Variants in GSK3B observed in about 807,000 individuals in gnomAD.
GSK3B encodes glycogen synthase kinase 3 beta, also known as glycogen synthase kinase-3 beta.
A neutral mutation model predicts 56.4 loss-of-function variants in GSK3B; 15 were observed. The ratio of observed to expected loss-of-function variants is 0.27; its 90% CI spans 0.18 to 0.41. The LOEUF (loss-of-function observed/expected upper bound fraction) is 0.41, where lower values mean the gene tolerates loss of function less well. GSK3B is among the 10% of genes least tolerant of loss of function. GSK3B has a pLI of 1.00. For synonymous variants in GSK3B, 181 were observed against 188.9 expected, an observed-to-expected ratio of 0.96 and a Z score of 0.34; for missense variants, 300 against 513.4, an observed-to-expected ratio of 0.58 and a Z score of 4.02.
At chr3:120,062,424 C>G (rs944069889) in intron 1 of GSK3B, among the ~76,000 whole-genome samples, 1 of 152,038 alleles carries the variant, frequency 6.6e-6, no homozygotes, top group Admixed American at 6.5e-5. Flanking sequence ...ACACTAATAC[C>G]AAAGTCTAAG....
At chr3:119,996,418 G>C (rs1172882186) in intron 2 of GSK3B, among the ~76,000 whole-genome samples, 1 of 152,120 alleles carries the variant, frequency 6.6e-6, no homozygotes, top group Non-Finnish European at 1.5e-5. Flanking sequence ...GCAAGCCAAG[G>C]CTTTGGGTGC....
chr3:120,068,744 G>T (rs1334482132), intron 1 of GSK3B, among the ~76,000 whole-genome samples: 2 of 150,718 alleles, frequency 1.3e-5, no homozygotes, highest in African/African-American at 4.9e-5. Flanking sequence ...TAAATTGGGG[G>T]TTAGTAGTAA....
chr3:119,982,888 C>G (rs2107454400), intron 2 of GSK3B, among the ~76,000 whole-genome samples: 1 of 152,074 alleles, frequency 6.6e-6, no homozygotes, highest in South Asian at 2.1e-4. Context: ...GAAGAGCAAC[C>G]CCAAGACACA....
At chr3:119,837,165 T>C (rs992108368) in intron 10 of GSK3B, among the ~76,000 whole-genome samples, 2 of 152,202 alleles carry the variant, frequency 1.3e-5, no homozygotes, top group African/African-American at 2.4e-5. Flanking sequence ...AACTTTTCTT[T>C]CTTTTTTTGA....
intron 3 of GSK3B, among the ~76,000 whole-genome samples, chr3:119,944,243 C>A (rs1222039376): frequency 6.6e-6 from 1 of 152,146 alleles, no homozygotes; most frequent in Non-Finnish European, 1.5e-5. Context: ...CCTCCCATAA[C>A]ATTCTCTCAA....
chr3:119,908,057 C>A (rs1282688315), intron 6 of GSK3B, among the ~76,000 whole-genome samples: 1 of 152,154 alleles, frequency 6.6e-6, no homozygotes, highest in Non-Finnish European at 1.5e-5. Context: ...TCAAACATTA[C>A]TGTTAAAAAC....
At chr3:120,018,352 T>C (rs930018650) in intron 1 of GSK3B, among the ~76,000 whole-genome samples, 6 of 152,118 alleles carry the variant, frequency 3.9e-5, no homozygotes, top group African/African-American at 1.4e-4. Context: ...ACTTTCTACA[T>C]ACGGTGGTTC....
At position 120,094,384 on chromosome 3, in the gene GSK3B, G is replaced by GGGCGGCGGCGGCGGCGGCGGC. The variant is rs556855605; in HGVS notation, c.-971_-951dup. On this transcript the variant is annotated 5_prime_UTR_variant, in exon 1 of 11. Transcript: ENST00000264235. ...CCTTCCTTCCTTTGTCACTTGGCCC[G>GGGCGGCGGCGGCGGCGGCGGC]GGCGGCGGCGGCGGCGGCGGCGGCA... is the stretch of plus-strand genomic sequence containing the variant. 8 of 307,126 alleles carry GGGCGGCGGCGGCGGCGGCGGC rather than the reference G, an allele frequency of 2.6e-5. No individual in the cohort carries two copies. The highest frequency in any genetic ancestry group is 1.5e-4 in the African/African-American group (7 of 45,202). The allele number at this position is 307,126 out of a possible 1,614,324, so 19.0% of individuals were successfully genotyped here.
intron 10 of GSK3B, among the ~76,000 whole-genome samples, chr3:119,838,884 C>T (rs1232688680): frequency 6.6e-6 from 1 of 152,176 alleles, no homozygotes; most frequent in East Asian, 1.9e-4. Context: ...TCTGACAGCT[C>T]TTGTTTTATA....
intron 6 of GSK3B, among the ~76,000 whole-genome samples, chr3:119,907,741 T>C (rs959052158): frequency 1.3e-5 from 2 of 152,164 alleles, no homozygotes; most frequent in Admixed American, 6.6e-5. Context: ...ATTTCATAGA[T>C]AAGGAAATTA....
chr3:120,091,526 T>C (rs1394545969), intron 1 of GSK3B, among the ~76,000 whole-genome samples: 1 of 152,170 alleles, frequency 6.6e-6, no homozygotes, highest in East Asian at 1.9e-4. Context: ...AATGTAGCAT[T>C]ATAATCTAGC....
chr3:119,922,982 G>A (rs2056858065), intron 4 of GSK3B, among the ~76,000 whole-genome samples: 1 of 152,084 alleles, frequency 6.6e-6, no homozygotes, highest in Non-Finnish European at 1.5e-5. Flanking sequence ...TATATAAATG[G>A]CATCTGTGAA....
chr3:120,036,792 C>CAAAAAAAA (rs560163237), intron 1 of GSK3B, among the ~76,000 whole-genome samples: 5 of 64,320 alleles, frequency 7.8e-5, no homozygotes, highest in Admixed American at 4.0e-4. Flanking sequence ...GACTCCGACT[C>CAAAAAAAA]AAAAAAAAAA....
In GSK3B at chr3:119,947,293, T is replaced by C; in HGVS notation, c.341A>G (p.Tyr114Cys). 5 of 1,599,428 alleles carry C rather than the reference T, an allele frequency of 3.1e-6. No homozygotes were observed. The highest frequency in any genetic ancestry group is 3.4e-6 in the Non-Finnish European group (4 of 1,166,812). The change falls in exon 3 of 11, where the codon TAT becomes TGT. Residue 114 changes from tyrosine to cysteine, a missense_variant. Physicochemically the swap from Tyr to Cys is radical, Grantham distance 194. Transcript: ENST00000264235. ...CTTCTCACCACTGGAGTAGAAGAAA[T>C]AACGCAATCGGACTATGTTACAGTG... is the stretch of plus-strand genomic sequence containing the variant. ...LDHCNIVRLR[Y>C]FFYSSGEKKD... is the part of the protein sequence containing the mutation.
chr3:120,060,282 G>A (rs541925421), intron 1 of GSK3B, among the ~76,000 whole-genome samples: 2 of 152,026 alleles, frequency 1.3e-5, no homozygotes, highest in Non-Finnish European at 2.9e-5. Context: ...TTTTTAAAAA[G>A]GTGTAAAAGA....
chr3:120,005,343 A>C (rs1464068856), intron 1 of GSK3B, among the ~76,000 whole-genome samples: 1 of 152,250 alleles, frequency 6.6e-6, no homozygotes, highest in East Asian at 1.9e-4. Flanking sequence ...ATCAAGTTAG[A>C]AACCACTCTT....
At chr3:120,030,251 C>T (rs2057964291) in intron 1 of GSK3B, among the ~76,000 whole-genome samples, 1 of 152,188 alleles carries the variant, frequency 6.6e-6, no homozygotes, top group Admixed American at 6.5e-5. Flanking sequence ...CTTCTATCTT[C>T]TGTCTCCATA....
chr3:119,964,448 C>T (rs909827767), intron 2 of GSK3B, among the ~76,000 whole-genome samples: 1 of 152,132 alleles, frequency 6.6e-6, no homozygotes, highest in Non-Finnish European at 1.5e-5. Flanking sequence ...AGAAGGAAAT[C>T]TTACCACTTG....
chr3:120,020,482 CA>C (rs2057867301), intron 1 of GSK3B, among the ~76,000 whole-genome samples: 1 of 152,140 alleles, frequency 6.6e-6, no homozygotes, highest in Non-Finnish European at 1.5e-5. Context: ...GTAATTTTTG[CA>C]GTACTTCAAA....
Sources: gnomAD v4.1 joint callset for allele counts (sites outside exome capture counted in the v4.1 genomes callset) on GRCh38, gnomAD v4.1.1 for gene constraint, MANE v1.5 for transcripts, NCBI Gene and HGNC (gene_info 2026-07-23, HGNC 2026-07-21) for gene names.